Variants in SPEN observed in about 807,000 individuals in gnomAD.
The protein encoded by SPEN is spen family transcriptional repressor, also known as msx2-interacting protein.
Under a neutral mutation model 269.9 loss-of-function variants are expected in SPEN, and 18 were observed. The ratio of observed to expected loss-of-function variants is 0.07; its 90% CI spans 0.05 to 0.10. The LOEUF (loss-of-function observed/expected upper bound fraction) is 0.10, where lower values mean the gene tolerates loss of function less well. Ranked by LOEUF, SPEN falls within the 10% of genes least tolerant of loss-of-function variation. The pLI is 1.00. For missense variants in SPEN, 3,822 were observed against 4,631.2 expected, an observed-to-expected ratio of 0.83 and a Z score of 5.07; for synonymous variants, 1,726 against 1,765.7, an observed-to-expected ratio of 0.98 and a Z score of 0.56.
intron 3 of SPEN, among the ~76,000 whole-genome samples, chr1:15,901,113 G>A (rs1233002928): frequency 1.3e-5 from 2 of 151,668 alleles, no homozygotes; most frequent in African/African-American, 4.8e-5. Flanking sequence ...CTTCTTCTAG[G>A]GTGACTGAGA....
intron 10 of SPEN, among the ~76,000 whole-genome samples, chr1:15,927,616 G>T (rs1416368541): frequency 6.6e-6 from 1 of 152,160 alleles, no homozygotes; most frequent in Admixed American, 6.6e-5. Flanking sequence ...TTAGGTAGGA[G>T]TGTGGGGATA....
chr1:15,875,217 C>T (rs72649628), intron 2 of SPEN, among the ~76,000 whole-genome samples: 5,842 of 152,134 alleles, frequency 0.038, 169 homozygotes, highest in Non-Finnish European at 0.059. Context: ...TGTGTGTAAT[C>T]GTACATGCAA....
In SPEN at chr1:15,848,689, G is replaced by A. The variant is rs957716940; in HGVS notation, c.83+539G>A. ...GGTACTGTGGTCGCGTCGCGGACCC[G>A]GAGAGACCATCTAGGACCTCTCCGG... On this transcript the variant is annotated intron_variant, in intron 1 of 14. Transcript: ENST00000375759. This position sits in a 1 kb window ranked among gnomAD's most constrained non-coding sequence, Gnocchi z 5.1. Among the ~76,000 whole-genome samples, 8 of 152,206 alleles carry A rather than the reference G, an allele frequency of 5.3e-5. No homozygotes were observed. The highest frequency in any genetic ancestry group is 1.4e-4 in the African/African-American group (6 of 41,460).
intron 1 of SPEN, among the ~76,000 whole-genome samples, chr1:15,852,971 C>T (rs1430377662): frequency 6.6e-6 from 1 of 152,084 alleles, no homozygotes; most frequent in Admixed American, 6.6e-5. Flanking sequence ...ATCCTCCCAC[C>T]TCAGCCTGCA....
Position 15,848,136 on chromosome 1 carries a change from C to A in SPEN, c.69C>A (p.Ile23=). The change falls in exon 1 of 15, where the codon ATC becomes ATA. Residue 23 remains isoleucine (I), a synonymous_variant. Transcript: ENST00000375759. This position sits in a 1 kb window ranked among gnomAD's most constrained non-coding sequence, Gnocchi z 5.1. The part of the protein sequence containing the change: ...LPENVREEKI[I]EHFKRYGRVE... ...AGAACGTGCGGGAAGAGAAGATCAT[C>A]GAGCATTTCAAACGGTGAGTGACAC... is the stretch of plus-strand genomic sequence containing the variant. 2 of 1,494,860 alleles carry A rather than the reference C, an allele frequency of 1.3e-6. No individual in the cohort carries two copies. The highest frequency in any genetic ancestry group is 2.8e-5 in the East Asian group (1 of 35,834). 92.6% of individuals were successfully genotyped at this position (1,494,860 alleles called of 1,614,324 possible). A position where few individuals can be genotyped will look rare whatever the true frequency, so the allele number is the denominator to read the frequency against.
At chr1:15,922,111 C>G in intron 9 of SPEN, 138 bp from the exon 10 acceptor site, 1 of 636,862 alleles carries the variant, frequency 1.6e-6, no homozygotes, top group Non-Finnish European at 2.7e-6. Context: ...GTGATGAGGA[C>G]TGTTTTACTT....
rs1431236206 is a variant in SPEN at position 15,931,039 on chromosome 1, A to C, written c.4799A>C (p.Lys1600Thr). 31 of 1,613,426 alleles carry C rather than the reference A, an allele frequency of 1.9e-5. No homozygotes were observed. Among genetic ancestry groups the C allele is most frequent in the Non-Finnish European group, 2.6e-5 (31 of 1,179,916 alleles). Residue 1600 changes from lysine to threonine, a missense_variant, in exon 11 of 15, where the codon AAA becomes ACA. This residue lies in a region of SPEN where 533 missense variants were observed against 618.8 expected (regional missense o/e 0.86). Transcript: ENST00000375759. This position sits in a 1 kb window ranked among gnomAD's most constrained non-coding sequence, Gnocchi z 4.8. ...CGGATGCAACAGAAAGAAAAAGAAA[A>C]AGACCAGAAACCCAAAGAGGTTGAG... ...LTRMQQKEKEKDQKPKEVEKQ... is the reference protein window; with the variant it reads ...LTRMQQKEKETDQKPKEVEKQ...
In SPEN at chr1:15,930,948, A is replaced by G. The variant is rs2071214105; in HGVS notation, c.4708A>G (p.Asn1570Asp). Residue 1570 changes from asparagine (N) to aspartate (D), a missense_variant, in exon 11 of 15, where the codon AAC becomes GAC. By Grantham distance (23) the Asn-to-Asp change is conservative. This residue lies in a region of SPEN where 533 missense variants were observed against 618.8 expected (regional missense o/e 0.86). Coordinates refer to ENST00000375759, the MANE Select transcript of SPEN (RefSeq NM_015001.3). The surrounding 1 kb of genome is among the most constrained non-coding windows in gnomAD (Gnocchi z 5.3). ...TGGGAAGCAGACATCTGAGGGAGCA[A>G]ACAGCACAACTGATTCCATTCAAGA... ...IYGKQTSEGA[N>D]STTDSIQEPV... The G allele has an allele frequency of 1.9e-6, 3 of 1,614,164 alleles. No homozygotes were observed. The African/African-American group carries it at 4.0e-5, about 22-fold the overall frequency.
At chr1:15,879,781 C>A (rs1309015929) in intron 3 of SPEN, among the ~76,000 whole-genome samples, 1 of 151,946 alleles carries the variant, frequency 6.6e-6, no homozygotes, top group East Asian at 1.9e-4. Flanking sequence ...CGCCATTCTT[C>A]TGCCTCAGCC....
At chr1:15,927,659 C>T (rs895295932) in intron 10 of SPEN, among the ~76,000 whole-genome samples, 3 of 152,198 alleles carry the variant, frequency 2.0e-5, no homozygotes, top group East Asian at 1.9e-4. Context: ...TTTGTCACAA[C>T]GCCGGAGTTA....
rs532792406 is a variant in SPEN, at chr1:15,871,703, C to T, written c.84-1113C>T. Among the ~76,000 whole-genome samples the T allele has an allele frequency of 4.4e-4, 67 of 152,246 alleles. 3 individuals are homozygous for T. The South Asian group carries it at 0.013, about 29-fold the overall frequency. On this transcript the variant is annotated intron_variant, in intron 1 of 14. Transcript: ENST00000375759. ...TTACATTAAAAAAATTAGACTGTCA[C>T]TTGCAAATGGACACAAAAATATTTG... is the stretch of plus-strand genomic sequence containing the variant.
At chr1:15,938,565 C>CTTTTTTT (rs200567875) in intron 13 of SPEN, 153 bp from the exon 14 acceptor site, 2 of 234,756 alleles carry the variant, frequency 8.5e-6, no homozygotes, top group Non-Finnish European at 1.5e-5. Context: ...TGAAAAAAAG[C>CTTTTTTT]TTTTTTTTTT....
chr1:15,937,445 G>C lies in SPEN; in HGVS notation c.10309G>C (p.Val3437Leu), dbSNP rs1309478676. 1 of 1,613,710 alleles carries C rather than the reference G, an allele frequency of 6.2e-7. No homozygotes were observed. The highest frequency in any genetic ancestry group is 1.1e-5 in the South Asian group (1 of 91,068). The change falls in exon 12 of 15, where the codon GTC becomes CTC. Residue 3437 changes from valine to leucine, a missense_variant. This residue lies in a region of SPEN where 359 missense variants were observed against 377.3 expected (regional missense o/e 0.95). Coordinates refer to ENST00000375759, the MANE Select transcript of SPEN (RefSeq NM_015001.3). This position sits in a 1 kb window ranked among gnomAD's most constrained non-coding sequence, Gnocchi z 5.7. The stretch of plus-strand genomic sequence containing the variant: ...GACTTCCTTCCCCTCCCCTGTGTCT[G>C]TCTCCATGAAGCCTGACCTTCCAGT... ...GPTSFPSPVSVSMKPDLPVSL... is the reference protein window; with the variant it reads ...GPTSFPSPVSLSMKPDLPVSL...
At chr1:15,920,795 T>G in intron 8 of SPEN, 75 bp from the exon 9 acceptor site, 1 of 686,470 alleles carries the variant, frequency 1.5e-6, no homozygotes, top group East Asian at 2.8e-5. Context: ...TCCTTGTGGC[T>G]TAGGATTTTG....
At chr1:15,906,599 C>T (rs2070958561) in intron 3 of SPEN, among the ~76,000 whole-genome samples, 1 of 151,082 alleles carries the variant, frequency 6.6e-6, no homozygotes, top group Admixed American at 6.6e-5. Flanking sequence ...GCTTGGATTA[C>T]AGGCACGTCA....
intron 6 of SPEN, 28 bp from the exon 7 acceptor site, chr1:15,918,895 ATTG>A (rs1198513990): frequency 6.4e-7 from 1 of 1,573,494 alleles, no homozygotes; most frequent in Non-Finnish European, 8.6e-7. Context: ...TCTTGGGCAT[ATTG>A]CTAAGTTGTA....
chr1:15,852,245 G>T (rs1183257807), intron 1 of SPEN, among the ~76,000 whole-genome samples: 1 of 151,960 alleles, frequency 6.6e-6, no homozygotes. Context: ...GAGACCAGAA[G>T]GTTTCTATGA....
rs2071267862 is a variant in SPEN at position 15,935,712 on chromosome 1, G to A, written c.9472G>A (p.Glu3158Lys). The A allele has an allele frequency of 6.2e-7, 1 of 1,613,482 alleles. No homozygotes were observed. Among genetic ancestry groups the A allele is most frequent in the Non-Finnish European group, 8.5e-7 (1 of 1,179,724 alleles). ...ACTGGCCTCCCAGCACCCTCCCGAG[G>A]AGGAAGTGCATTATCACCTTCCTGT... Reference protein sequence around the residue: ...PALASQHPPEEEVHYHLPVAR... With the variant: ...PALASQHPPEKEVHYHLPVAR... The change falls in exon 11 of 15, where the codon GAG becomes AAG. Residue 3158 changes from glutamate (E) to lysine (K), a missense_variant. Coordinates refer to ENST00000375759, the MANE Select transcript of SPEN (RefSeq NM_015001.3). This position sits in a 1 kb window ranked among gnomAD's most constrained non-coding sequence, Gnocchi z 7.7.
chr1:15,876,094 T>C, intron 2 of SPEN, 108 bp from the exon 3 acceptor site: 1 of 809,048 alleles, frequency 1.2e-6, no homozygotes, highest in Non-Finnish European at 2.0e-6. Context: ...GTTTAGAAAA[T>C]GACCAGTTGC....
Sources: allele counts gnomAD v4.1 joint callset (sites outside exome capture counted in the v4.1 genomes callset), GRCh38; gene constraint gnomAD v4.1.1; regional missense constraint gnomAD v4.1.1; non-coding constraint Gnocchi (gnomAD v3.1); transcripts MANE v1.5; gene names NCBI Gene and HGNC (gene_info 2026-07-23, HGNC 2026-07-21).